Variants in ACSL3 observed in about 807,000 individuals in gnomAD.
ACSL3 encodes the protein acyl-CoA synthetase long chain family member 3.
ACSL3 carries 34 observed loss-of-function variants against 84.7 expected under a neutral mutation model. That is an observed-to-expected ratio of 0.40 (90% CI 0.31 to 0.53). ACSL3 has a LOEUF of 0.53. ACSL3 is among the 20% of genes least tolerant of loss of function. The pLI, the probability that ACSL3 is intolerant of heterozygous loss-of-function variation, is 0.48. For missense variants in ACSL3, 680 were observed against 873.1 expected (o/e 0.78, Z 2.79); for synonymous variants, 315 against 299.4 (o/e 1.05, Z -0.54).
intron 16 of ACSL3, among the ~76,000 whole-genome samples, 177 bp downstream of exon 16, chr2:222,934,864 C>G (rs1443461063): frequency 6.6e-6 from 1 of 152,196 alleles, no homozygotes; most frequent in Non-Finnish European, 1.5e-5. Flanking sequence ...CACAAATTAA[C>G]CACTCCCACC....
At chr2:222,912,718 G>A (rs886543335) in intron 4 of ACSL3, among the ~76,000 whole-genome samples, 1 of 152,134 alleles carries the variant, frequency 6.6e-6, no homozygotes, top group Admixed American at 6.5e-5. Flanking sequence ...GATGAAAAAA[G>A]GCAGTGGCGA....
intron 1 of ACSL3, among the ~76,000 whole-genome samples, chr2:222,871,622 G>A (rs759005775): frequency 6.6e-6 from 1 of 152,222 alleles, no homozygotes; most frequent in Non-Finnish European, 1.5e-5. Context: ...TGCAGGGAGC[G>A]GTTGTGTTTT....
chr2:222,923,479 A>G (rs1051827623), intron 10 of ACSL3, among the ~76,000 whole-genome samples: 1 of 152,206 alleles, frequency 6.6e-6, no homozygotes, highest in Non-Finnish European at 1.5e-5. Flanking sequence ...CTAGGAGGGA[A>G]AGTGTGAGAT....
intron 2 of ACSL3, among the ~76,000 whole-genome samples, chr2:222,889,382 T>G (rs559686881): frequency 1.8e-4 from 27 of 152,194 alleles, no homozygotes; most frequent in Non-Finnish European, 3.4e-4. Context: ...CGTAGTCATG[T>G]TATATAGGTT....
intron 3 of ACSL3, among the ~76,000 whole-genome samples, chr2:222,906,724 C>G (rs1185000000): frequency 6.6e-6 from 1 of 152,068 alleles, no homozygotes; most frequent in Non-Finnish European, 1.5e-5. Context: ...AAGCGATTCT[C>G]CTGCCTCAGC....
chr2:222,915,094 C>T (rs188265373), intron 4 of ACSL3, among the ~76,000 whole-genome samples: 18 of 152,280 alleles, frequency 1.2e-4, no homozygotes, highest in African/African-American at 4.3e-4. Context: ...GCATTCTTAA[C>T]CTTTAGAGTG....
At chr2:222,904,889 A>G (rs1184368391) in intron 3 of ACSL3, 3 of 153,624 alleles carry the variant, frequency 2.0e-5, no homozygotes, top group Admixed American at 1.3e-4. Flanking sequence ...CTTTAGTAGG[A>G]TGTCAGAATT....
Position 222,861,238 on chromosome 2 carries a change from A to C in ACSL3, c.-227A>C, listed in dbSNP as rs1374680705. Reference sequence around the variant, plus strand: ...GCCTGCGCGGGCCCGAGGCCGGAGGAACCCGGACTCCGGCGTAGCGGTGAG... The same window carrying C: ...GCCTGCGCGGGCCCGAGGCCGGAGGCACCCGGACTCCGGCGTAGCGGTGAG... On this transcript the variant is annotated 5_prime_UTR_variant, in exon 1 of 17. Transcript: ENST00000357430. 6.6e-6 allele frequency: 1 copy of C among 151,992 alleles called. No homozygotes were observed. The highest frequency in any genetic ancestry group is 1.5e-5 in the Non-Finnish European group (1 of 68,024). 9.4% of individuals were successfully genotyped at this position (151,992 alleles called of 1,614,324 possible).
intron 16 of ACSL3, among the ~76,000 whole-genome samples, chr2:222,940,976 C>T (rs2165236): frequency 6.6e-6 from 1 of 152,072 alleles, no homozygotes; most frequent in African/African-American, 2.4e-5. Flanking sequence ...TCATAGCTCA[C>T]TGCATCTTCA....
chr2:222,943,795 T>C lies in ACSL3; in HGVS notation c.*2141T>C, dbSNP rs1697389046. 1.3e-5 allele frequency: 2 copies of C among 152,024 alleles called. No individual in the cohort carries two copies. Among genetic ancestry groups the C allele is most frequent in the Admixed American group, 6.6e-5 (1 of 15,258 alleles). The allele number at this position is 152,024 out of a possible 1,614,324, so 9.4% of individuals were successfully genotyped here. On this transcript the variant is annotated 3_prime_UTR_variant, in exon 17 of 17. Transcript: ENST00000357430. Reference sequence around the variant, plus strand: ...TTACCCTTTCAAGAGGAAAAAACTGTTCAATGAAAAAACCACTCAATTATG... The same window carrying C: ...TTACCCTTTCAAGAGGAAAAAACTGCTCAATGAAAAAACCACTCAATTATG...
chr2:222,903,122 C>T (rs567726306), intron 3 of ACSL3, among the ~76,000 whole-genome samples: 20 of 151,918 alleles, frequency 1.3e-4, no homozygotes, highest in African/African-American at 4.6e-4. Context: ...ATGAAATAGA[C>T]GTAAAATTGA....
chr2:222,903,173 C>T (rs961619054), intron 3 of ACSL3, among the ~76,000 whole-genome samples: 5 of 151,790 alleles, frequency 3.3e-5, no homozygotes, highest in South Asian at 2.1e-4. Flanking sequence ...GGTCTGGCTT[C>T]GTGGCCCAGG....
At chr2:222,923,791 T>TAGTTTCGC (rs1559299147) in intron 10 of ACSL3, among the ~76,000 whole-genome samples, 1 of 151,878 alleles carries the variant, frequency 6.6e-6, no homozygotes, top group African/African-American at 2.4e-5. Context: ...AAATAATCAG[T>TAGTTTCGC]AGTTTCTTTC....
In ACSL3 at chr2:222,937,158, A is replaced by G. The variant is rs191286195; in HGVS notation, c.2005+2471A>G. 5.3e-3 allele frequency among the ~76,000 whole-genome samples: 807 copies of G among 151,978 alleles called. 6 individuals are homozygous for G. Among genetic ancestry groups the G allele is most frequent in the Non-Finnish European group, 8.6e-3 (585 of 67,996 alleles). The stretch of plus-strand genomic sequence containing the variant: ...GTCTTTCACCTCCTTGGTTAGGTTT[A>G]TTCCTAAGTATTTCCTCCTTTTTGA... On this transcript the variant is annotated intron_variant, in intron 16 of 16. Transcript: ENST00000357430.
chr2:222,889,193 G>A (rs1487849465), intron 2 of ACSL3, among the ~76,000 whole-genome samples: 1 of 152,190 alleles, frequency 6.6e-6, no homozygotes, highest in African/African-American at 2.4e-5. Context: ...TTGTGTAGGT[G>A]AAGAAGTGGT....
intron 3 of ACSL3, among the ~76,000 whole-genome samples, chr2:222,908,062 GA>G (rs1696341595): frequency 6.6e-6 from 1 of 152,190 alleles, no homozygotes; most frequent in Admixed American, 6.5e-5. Flanking sequence ...ACGAGAGTGG[GA>G]ACTTAGGCCG....
chr2:222,902,437 A>G (rs76122457), intron 3 of ACSL3, among the ~76,000 whole-genome samples: 11,249 of 152,236 alleles, frequency 0.074, 518 homozygotes, highest in Middle Eastern at 0.13. Flanking sequence ...ATATAATTCA[A>G]ATCCTTCAAT....
chr2:222,918,262 T>C (rs1330440271), intron 6 of ACSL3, 107 bp downstream of exon 6: 2 of 585,666 alleles, frequency 3.4e-6, no homozygotes, highest in Non-Finnish European at 5.8e-6. Flanking sequence ...TCCTTAATCT[T>C]TGTGGACTTT....
intron 1 of ACSL3, among the ~76,000 whole-genome samples, chr2:222,866,332 A>T (rs1311306995): frequency 6.6e-6 from 1 of 152,096 alleles, no homozygotes; most frequent in African/African-American, 2.4e-5. Flanking sequence ...TTTTCGGTAG[A>T]GATGGGGTTT....
Sources: allele counts gnomAD v4.1 joint callset (sites outside exome capture counted in the v4.1 genomes callset), GRCh38; gene constraint gnomAD v4.1.1; transcripts MANE v1.5; gene names NCBI Gene and HGNC (gene_info 2026-07-23, HGNC 2026-07-21).